ZFP69: variants seen among roughly 807,000 people sequenced by gnomAD.
The protein encoded by ZFP69 is ZFP69 zinc finger protein, also known as zinc finger protein 69 homolog.
ZFP69 carries 35 observed loss-of-function variants against 48.9 expected under a neutral mutation model. The ratio of observed to expected loss-of-function variants is 0.72; its 90% CI spans 0.55 to 0.95. ZFP69 has a LOEUF of 0.95. Ranked by LOEUF, ZFP69 falls within the 40% of genes least tolerant of loss-of-function variation. ZFP69 has a pLI of 0.00. For synonymous variants in ZFP69, 193 were observed against 216.8 expected (o/e 0.89, Z 0.96); for missense variants, 557 against 638.4 (o/e 0.87, Z 1.37).
chr1:40,483,468 A>G (rs985209046), intron 3 of ZFP69, among the ~76,000 whole-genome samples: 3 of 151,796 alleles, frequency 2.0e-5, no homozygotes, highest in African/African-American at 7.3e-5. Flanking sequence ...AGCTCAAACA[A>G]TCCTTCTGCC....
rs530515976 is a variant in ZFP69, at chr1:40,496,291, T to G, written c.*232T>G. Reference sequence around the variant, plus strand: ...TGAATTCAGCATTATGAAAAATTCATAACAGTTTTTTTCTGATTTCATGGT... The same window carrying G: ...TGAATTCAGCATTATGAAAAATTCAGAACAGTTTTTTTCTGATTTCATGGT... On this transcript the variant is annotated 3_prime_UTR_variant, in exon 6 of 6. Transcript: ENST00000372706. The G allele has an allele frequency of 2.7e-6, 1 of 373,646 alleles. No individual in the cohort carries two copies. The highest frequency in any genetic ancestry group is 4.1e-5 in the East Asian group (1 of 24,590). 23.1% of individuals were successfully genotyped at this position (373,646 alleles called of 1,614,324 possible). A position where few individuals can be genotyped will look rare whatever the true frequency, so the allele number is the denominator to read the frequency against.
Position 40,495,505 on chromosome 1 carries a change from A to C in ZFP69, c.1027A>C (p.Asn343His). 6.2e-7 allele frequency: 1 copy of C among 1,614,212 alleles called. No homozygotes were observed. Among genetic ancestry groups the C allele is most frequent in the Non-Finnish European group, 8.5e-7 (1 of 1,180,024 alleles). ...GKAFRHRSSLNQHHRTHTGEK... is the reference protein window; with the variant it reads ...GKAFRHRSSLHQHHRTHTGEK... Reference sequence around the variant, plus strand: ...AGCCTTCAGACATCGCTCATCACTTAATCAGCATCATAGAACTCACACTGG... The same window carrying C: ...AGCCTTCAGACATCGCTCATCACTTCATCAGCATCATAGAACTCACACTGG... Residue 343 changes from asparagine (N) to histidine (H), a missense_variant, in exon 6 of 6, where the codon AAT (asparagine) becomes CAT (histidine). Coordinates refer to ENST00000372706, the MANE Select transcript of ZFP69 (RefSeq NM_001320179.2).
In ZFP69 at chr1:40,496,168, T is replaced by A; in HGVS notation, c.*109T>A. On this transcript the variant is annotated 3_prime_UTR_variant, in exon 6 of 6. Coordinates refer to ENST00000372706, the MANE Select transcript of ZFP69 (RefSeq NM_001320179.2). ...GAATTGATGTAATGATGCCAACTTT[T>A]AATTTTTCCCATTGTAAATAAACAT... The A allele has an allele frequency of 8.6e-7, 1 of 1,162,070 alleles. No individual in the cohort carries two copies. Among genetic ancestry groups the A allele is most frequent in the Non-Finnish European group, 1.2e-6 (1 of 838,336 alleles). 72.0% of individuals were successfully genotyped at this position (1,162,070 alleles called of 1,614,324 possible).
At chr1:40,494,815 T>G in intron 5 of ZFP69, 106 bp from the exon 6 acceptor site, 1 of 996,750 alleles carries the variant, frequency 1.0e-6, no homozygotes, top group Non-Finnish European at 1.4e-6. Context: ...ATAATCATAT[T>G]TAAATATAGT....
At chr1:40,490,981 C>A (rs1225413329) in intron 5 of ZFP69, 1 of 152,122 alleles carries the variant, frequency 6.6e-6, no homozygotes, top group Admixed American at 6.6e-5. Flanking sequence ...GCTCCACTGT[C>A]CCCCTTACAC....
At chr1:40,491,789 A>G (rs201234739) in intron 5 of ZFP69, among the ~76,000 whole-genome samples, 44 of 144,730 alleles carry the variant, frequency 3.0e-4, no homozygotes, top group South Asian at 6.4e-4. Context: ...GTGTGTGTAT[A>G]TATATATATA....
rs2124435721 is a variant in ZFP69, at chr1:40,477,684, C to T, written c.-537C>T. ...CTCCGGAGGCCGAGGGTCCTCCGGG[C>T]TTCCGAAGGAAGCCGACCTCAACGC... On this transcript the variant is annotated 5_prime_UTR_variant, in exon 1 of 6. Transcript: ENST00000372706. The surrounding 1 kb of genome is among the most constrained non-coding windows in gnomAD (Gnocchi z 4.0). 6.6e-6 allele frequency: 1 copy of T among 152,200 alleles called. No homozygotes were observed. The highest frequency in any genetic ancestry group is 2.1e-4 in the South Asian group (1 of 4,820). 9.4% of individuals were successfully genotyped at this position (152,200 alleles called of 1,614,324 possible). A position where few individuals can be genotyped will look rare whatever the true frequency, so the allele number is the denominator to read the frequency against.
At chr1:40,483,229 T>A (rs1297937070) in intron 3 of ZFP69, among the ~76,000 whole-genome samples, 1 of 126,264 alleles carries the variant, frequency 7.9e-6, no homozygotes, top group African/African-American at 3.4e-5. Flanking sequence ...TTTTTTAATT[T>A]TTTTTTTTTT....
At chr1:40,479,674 G>A (rs190489876) in intron 2 of ZFP69, among the ~76,000 whole-genome samples, 186 bp downstream of exon 2, 4 of 152,274 alleles carry the variant, frequency 2.6e-5, no homozygotes, top group African/African-American at 7.2e-5. Flanking sequence ...CTTGTGACAC[G>A]TGCTTGCAGC....
At chr1:40,487,536 A>C (rs1309512822) in intron 3 of ZFP69, among the ~76,000 whole-genome samples, 1 of 152,224 alleles carries the variant, frequency 6.6e-6, no homozygotes, top group African/African-American at 2.4e-5. Flanking sequence ...CTCAGTTGAG[A>C]GAAATGTAAA....
At chr1:40,489,366 A>G (rs1645539113) in intron 4 of ZFP69, 152 bp downstream of exon 4, 2 of 1,237,392 alleles carry the variant, frequency 1.6e-6, no homozygotes, top group East Asian at 4.8e-5. Flanking sequence ...GGCATATCCA[A>G]TTTGACTTTC....
In ZFP69 at chr1:40,481,827, C is replaced by A. The variant is rs760764401; in HGVS notation, c.192C>A (p.Thr64=). Residue 64 remains threonine, a synonymous_variant, in exon 3 of 6, where the codon ACC becomes ACA. Coordinates refer to ENST00000372706, the MANE Select transcript of ZFP69 (RefSeq NM_001320179.2). ...TQRESLEDEV[T]PGLPTAESQE... is the part of the protein sequence containing the mutation. ...GAGAAAGTTTAGAGGATGAAGTGAC[C>A]CCTGGACTCCCGACAGCAGAATCCC... 1 of 1,612,856 alleles carries A rather than the reference C, an allele frequency of 6.2e-7. No individual in the cohort carries two copies. Among genetic ancestry groups the A allele is most frequent in the Admixed American group, 1.7e-5 (1 of 59,964 alleles).
At chr1:40,485,938 C>T (rs1293539320) in intron 3 of ZFP69, among the ~76,000 whole-genome samples, 1 of 152,088 alleles carries the variant, frequency 6.6e-6, no homozygotes, top group African/African-American at 2.4e-5. Context: ...GAGTCTTGCT[C>T]TGTCACCCAG....
chr1:40,493,977 A>G (rs1645595319), intron 5 of ZFP69, among the ~76,000 whole-genome samples: 1 of 152,154 alleles, frequency 6.6e-6, no homozygotes, highest in South Asian at 2.1e-4. Context: ...TACTTCCATG[A>G]ACATATTAAT....
intron 5 of ZFP69, among the ~76,000 whole-genome samples, chr1:40,494,370 G>A (rs1363260886): frequency 7.5e-6 from 1 of 133,858 alleles, no homozygotes; most frequent in South Asian, 2.4e-4. Context: ...CCGGGTTCAC[G>A]CCATTCTCCT....
intron 1 of ZFP69, among the ~76,000 whole-genome samples, chr1:40,478,666 C>G (rs1645413444): frequency 6.6e-6 from 1 of 152,088 alleles, no homozygotes; most frequent in Non-Finnish European, 1.5e-5. Context: ...TACTGTATGC[C>G]TAGCATTGTC....
In ZFP69 at chr1:40,495,079, C is replaced by T; in HGVS notation, c.601C>T (p.His201Tyr). 6.2e-7 allele frequency: 1 copy of T among 1,613,984 alleles called. No homozygotes were observed. The highest frequency in any genetic ancestry group is 1.3e-5 in the African/African-American group (1 of 74,982). The change falls in exon 6 of 6, where the codon CAC (histidine) becomes TAC (tyrosine). Residue 201 changes from histidine to tyrosine, a missense_variant. Physicochemically the swap from His to Tyr is moderately conservative, Grantham distance 83. Transcript: ENST00000372706. ...VSTYDDVLERHQETCMRDVRQ... is the reference protein window; with the variant it reads ...VSTYDDVLERYQETCMRDVRQ... ...CACATATGATGATGTCTTAGAAAGG[C>T]ACCAGGAAACTTGTATGAGAGATGT... is the stretch of plus-strand genomic sequence containing the variant.
rs758202634 is a variant in ZFP69, at chr1:40,489,137, G to T, written c.269G>T (p.Trp90Leu). ...DISIDFTQEE[W>L]GQLAPAHQNL... ...TCTATTGACTTCACCCAGGAAGAGT[G>T]GGGGCAGCTGGCTCCTGCTCACCAG... is the stretch of plus-strand genomic sequence containing the variant. The change falls in exon 4 of 6, where the codon TGG (tryptophan) becomes TTG (leucine). Residue 90 changes from tryptophan (W) to leucine (L), a missense_variant. Coordinates refer to ENST00000372706, the MANE Select transcript of ZFP69 (RefSeq NM_001320179.2). The T allele has an allele frequency of 3.7e-6, 6 of 1,613,992 alleles. No homozygotes were observed. The highest frequency in any genetic ancestry group is 3.3e-5 in the Admixed American group (2 of 60,016).
chr1:40,495,038 C>T lies in ZFP69; in HGVS notation c.560C>T (p.Thr187Met), dbSNP rs146417933. ...ATGAGGGATGATATAATTTATTCCA[C>T]GTTGAGAAAAGTCTCCACATATGAT... is the stretch of plus-strand genomic sequence containing the variant. ...SFMRDDIIYS[T>M]LRKVSTYDDV... The change falls in exon 6 of 6, where the codon ACG (threonine) becomes ATG (methionine). Residue 187 changes from threonine to methionine, a missense_variant. Transcript: ENST00000372706. 51 of 1,613,832 alleles carry T rather than the reference C, an allele frequency of 3.2e-5. No homozygotes were observed. Among genetic ancestry groups the T allele is most frequent in the East Asian group, 8.9e-5 (4 of 44,854 alleles).
Sources: allele counts gnomAD v4.1 joint callset (sites outside exome capture counted in the v4.1 genomes callset), GRCh38; gene constraint gnomAD v4.1.1; non-coding constraint Gnocchi (gnomAD v3.1); transcripts MANE v1.5; gene names NCBI Gene and HGNC (gene_info 2026-07-23, HGNC 2026-07-21).